ZFYVE28: variants seen among roughly 807,000 people sequenced by gnomAD.
ZFYVE28 encodes the protein zinc finger FYVE-type containing 28.
Under a neutral mutation model 82.1 loss-of-function variants are expected in ZFYVE28, and 40 were observed. The ratio of observed to expected loss-of-function variants is 0.49; its 90% confidence interval spans 0.38 to 0.63. The LOEUF (loss-of-function observed/expected upper bound fraction) is 0.63, where lower values mean the gene tolerates loss of function less well. Among genes scored for constraint, ZFYVE28 ranks in the 30% least tolerant of loss-of-function variants. The pLI is 0.00. For synonymous variants in ZFYVE28, 612 were observed against 546.1 expected, an observed-to-expected ratio of 1.12 and a Z score of -1.68; for missense variants, 1,321 against 1,242.1, an observed-to-expected ratio of 1.06 and a Z score of -0.96.
In ZFYVE28 at chr4:2,305,297, A is replaced by T. The variant is rs1716392193; in HGVS notation, c.1043T>A (p.Met348Lys). The T allele has an allele frequency of 6.2e-7, 1 of 1,613,046 alleles. No homozygotes were observed. Among genetic ancestry groups the T allele is most frequent in the Non-Finnish European group, 8.5e-7 (1 of 1,180,022 alleles). Residue 348 changes from methionine to lysine, a missense_variant, in exon 8 of 13, where the codon ATG (methionine) becomes AAG (lysine). Coordinates refer to ENST00000290974, the MANE Select transcript of ZFYVE28 (RefSeq NM_020972.3). ...CATCTCGTCCCCCGCCCTGTGGACC[A>T]TGCGGCTGAGCTGCTCCAGCTCCTG... The part of the protein sequence containing the change: ...DDQELEQLSR[M>K]VHRAGDEMSS...
At chr4:2,317,052 G>A (rs1281049359) in intron 7 of ZFYVE28, among the ~76,000 whole-genome samples, 3 of 143,206 alleles carry the variant, frequency 2.1e-5, no homozygotes, top group African/African-American at 5.3e-5. Flanking sequence ...ACAGTGGCAC[G>A]ATCTTGGTTC....
intron 6 of ZFYVE28, among the ~76,000 whole-genome samples, chr4:2,327,295 TATATATATATATATCG>T (rs1462144582): frequency 8.2e-5 from 7 of 85,396 alleles, no homozygotes; most frequent in African/African-American, 2.8e-4. Context: ...TATATATATA[TATATATATATATATCG>T]AATAAAGTTG....
At chr4:2,378,138 G>C (rs934445569) in intron 1 of ZFYVE28, among the ~76,000 whole-genome samples, 5 of 152,314 alleles carry the variant, frequency 3.3e-5, no homozygotes, top group African/African-American at 1.2e-4. Flanking sequence ...TCAGGAGTTC[G>C]AGACCAGCCT....
rs1560241753 is a variant in ZFYVE28, at chr4:2,341,665, GGCC to G, written c.181-53_181-51del. The stretch of plus-strand genomic sequence containing the variant: ...GCGCCAATCGCTGTGTCCAGCTGGC[GGCC>G]GCCATGTACTGCTGGAAAACACGCA... On this transcript the variant is annotated intron_variant, in intron 2 of 12. Coordinates refer to ENST00000290974, the MANE Select transcript of ZFYVE28 (RefSeq NM_020972.3). The surrounding 1 kb of genome is among the most constrained non-coding windows in gnomAD (Gnocchi z 4.5). 6.3e-7 allele frequency: 1 copy of G among 1,585,972 alleles called. No individual in the cohort carries two copies. Among genetic ancestry groups the G allele is most frequent in the Non-Finnish European group, 8.6e-7 (1 of 1,159,736 alleles).
At chr4:2,401,423 G>A (rs115021578) in intron 1 of ZFYVE28, among the ~76,000 whole-genome samples, 2,550 of 152,274 alleles carry the variant, frequency 0.017, 33 homozygotes, top group Non-Finnish European at 0.025. Context: ...AGCCTGTGCA[G>A]TAGGTGGCCC....
chr4:2,364,988 G>T (rs998697512), intron 1 of ZFYVE28: 3 of 809,682 alleles, frequency 3.7e-6, no homozygotes, highest in Non-Finnish European at 4.5e-6. Context: ...GCGCACGCGG[G>T]GGTCACTCCC....
chr4:2,319,526 C>T (rs1452640361), intron 7 of ZFYVE28, among the ~76,000 whole-genome samples: 3 of 152,116 alleles, frequency 2.0e-5, no homozygotes, highest in African/African-American at 4.8e-5. Flanking sequence ...GATCAGGGGC[C>T]GTGGTAGGAA....
intron 1 of ZFYVE28, among the ~76,000 whole-genome samples, chr4:2,369,262 C>A (rs1175962410): frequency 6.6e-6 from 1 of 152,224 alleles, no homozygotes; most frequent in Non-Finnish European, 1.5e-5. Flanking sequence ...CAATCTAGGC[C>A]AGGCTGTTCC....
intron 8 of ZFYVE28, among the ~76,000 whole-genome samples, chr4:2,290,761 T>C (rs1560145620): frequency 6.6e-6 from 1 of 152,096 alleles, no homozygotes; most frequent in Non-Finnish European, 1.5e-5. Flanking sequence ...ACCTGGCTCC[T>C]TGCTTCCCCT....
intron 8 of ZFYVE28, among the ~76,000 whole-genome samples, chr4:2,277,180 G>C (rs921522417): frequency 1.3e-5 from 2 of 152,174 alleles, no homozygotes; most frequent in East Asian, 3.8e-4. Context: ...ATCAATAAAG[G>C]CTTTTTTTTA....
chr4:2,274,738 T>G (rs1736244006), intron 8 of ZFYVE28, among the ~76,000 whole-genome samples: 1 of 152,002 alleles, frequency 6.6e-6, no homozygotes, highest in Admixed American at 6.6e-5. Flanking sequence ...AGGTCATAAG[T>G]CCAAAGACAA....
At chr4:2,389,763 G>A (rs1401056353) in intron 1 of ZFYVE28, among the ~76,000 whole-genome samples, 2 of 152,210 alleles carry the variant, frequency 1.3e-5, no homozygotes, top group South Asian at 4.1e-4. Context: ...AGCCCCTAAG[G>A]AGAGGTGGCC....
At chr4:2,308,853 A>G (rs1717098267) in intron 7 of ZFYVE28, among the ~76,000 whole-genome samples, 2 of 152,308 alleles carry the variant, frequency 1.3e-5, no homozygotes, top group South Asian at 4.1e-4. Context: ...AGACCAACTG[A>G]TATCTTCATA....
intron 8 of ZFYVE28, among the ~76,000 whole-genome samples, chr4:2,293,587 A>G (rs1316150936): frequency 1.3e-5 from 2 of 152,028 alleles, no homozygotes. Context: ...CCCCGTCTCT[A>G]CTAAAAATAC....
rs570001427 is a variant in ZFYVE28, at chr4:2,418,152, A to C, written c.39+133T>G. ...CTGTCCAAGTCTTGGAGTGGAGGGA[A>C]GGATGTCGGCGGTGGGGGAAGAGGC... On this transcript the variant is annotated intron_variant, in intron 1 of 12. Coordinates refer to ENST00000290974, the MANE Select transcript of ZFYVE28 (RefSeq NM_020972.3). The surrounding 1 kb of genome is among the most constrained non-coding windows in gnomAD (Gnocchi z 4.6). The C allele has an allele frequency of 2.8e-6, 2 of 707,858 alleles. No homozygotes were observed. The highest frequency in any genetic ancestry group is 4.3e-5 in the South Asian group (2 of 46,042). The allele number at this position is 707,858 out of a possible 1,614,324, so 43.8% of individuals were successfully genotyped here.
intron 1 of ZFYVE28, chr4:2,365,019 C>T (rs998066312): frequency 1.2e-5 from 6 of 499,054 alleles, no homozygotes; most frequent in African/African-American, 1.1e-4. Context: ...GCCCCGCACG[C>T]GGAAGTGGGG....
chr4:2,289,746 G>T (rs369138702), intron 8 of ZFYVE28, among the ~76,000 whole-genome samples: 1 of 152,222 alleles, frequency 6.6e-6, no homozygotes, highest in East Asian at 1.9e-4. Flanking sequence ...GACGGCAGAG[G>T]TGACACAGCT....
At chr4:2,322,158 G>A (rs1578081551) in intron 6 of ZFYVE28, among the ~76,000 whole-genome samples, 1 of 152,368 alleles carries the variant, frequency 6.6e-6, no homozygotes, top group Non-Finnish European at 1.5e-5. Flanking sequence ...AAGGCCCGTG[G>A]GACAGGAGAT....
intron 6 of ZFYVE28, chr4:2,324,497 TG>T: frequency 5.6e-6 from 1 of 179,656 alleles, no homozygotes; most frequent in South Asian, 1.4e-4. Context: ...ACAAGCTGGC[TG>T]AAGCATTTGA....
Sources: gnomAD v4.1 joint callset for allele counts (sites outside exome capture counted in the v4.1 genomes callset) on GRCh38, gnomAD v4.1.1 for gene constraint, Gnocchi (gnomAD v3.1) non-coding constraint, MANE v1.5 for transcripts, NCBI Gene and HGNC (gene_info 2026-07-23, HGNC 2026-07-21) for gene names.